ABCC9: variants seen among roughly 807,000 people sequenced by gnomAD.
ABCC9 encodes the protein ATP binding cassette subfamily C member 9.
Under a neutral mutation model 188.3 loss-of-function variants are expected in ABCC9, and 95 were observed. The ratio of observed to expected loss-of-function variants is 0.50; its 90% CI spans 0.43 to 0.60. ABCC9 has a LOEUF of 0.60. Among genes scored for constraint, ABCC9 ranks in the 20% least tolerant of loss-of-function variants. The probability of loss-of-function intolerance (pLI) is 0.00; values close to 1 mark genes in which losing one functional copy is unlikely to be tolerated. For synonymous variants in ABCC9, 659 were observed against 652.7 expected, an observed-to-expected ratio of 1.01 and a Z score of -0.15; for missense variants, 1,102 against 1,876.3, an observed-to-expected ratio of 0.59 and a Z score of 7.62.
chr12:21,904,102 C>T (rs1468921903), intron 12 of ABCC9, among the ~76,000 whole-genome samples: 2 of 152,104 alleles, frequency 1.3e-5, no homozygotes, highest in African/African-American at 2.4e-5. Context: ...TGGAACAGAA[C>T]AGAGCCCTCA....
intron 5 of ABCC9, chr12:21,923,978 C>G (rs1844154185): frequency 1.8e-6 from 1 of 541,062 alleles, no homozygotes; most frequent in Middle Eastern, 4.5e-4. Flanking sequence ...ATCAAAAAAT[C>G]ATGCTTAGAA....
At chr12:21,884,640 C>T (rs910747039) in intron 15 of ABCC9, among the ~76,000 whole-genome samples, 13 of 152,078 alleles carry the variant, frequency 8.5e-5, no homozygotes, top group African/African-American at 2.9e-4. Flanking sequence ...ACTGGTGTAT[C>T]AAGAGAACAC....
At chr12:21,897,198 G>C (rs766476239) in intron 12 of ABCC9, among the ~76,000 whole-genome samples, 4 of 152,124 alleles carry the variant, frequency 2.6e-5, no homozygotes, top group Admixed American at 2.0e-4. Flanking sequence ...TTTCATGTTT[G>C]TTGGCCACAT....
Position 21,915,338 on chromosome 12 carries a change from G to T in ABCC9, c.816+330C>A, listed in dbSNP as rs12822030. On this transcript the variant is annotated intron_variant, in intron 7 of 39. Transcript: ENST00000261200. ...ATGTGTATATATGTGTGTATATATA[G>T]ACATGTGTATGTATATATAATGTGT... Among the ~76,000 whole-genome samples the T allele has an allele frequency of 1, 134,852 of 135,008 alleles. 67,348 individuals carry two copies. Among genetic ancestry groups the T allele is most frequent in the Middle Eastern group, 1 (262 of 262 alleles). The allele number at this position is 135,008 out of a possible 152,430, so 88.6% of individuals were successfully genotyped here.
intron 10 of ABCC9, 90 bp from the exon 11 acceptor site, chr12:21,908,301 T>C (rs1948137143): frequency 6.2e-6 from 9 of 1,445,644 alleles, no homozygotes; most frequent in African/African-American, 2.9e-5. Context: ...AAATGTAGTA[T>C]TTCTTAATTA....
intron 16 of ABCC9, among the ~76,000 whole-genome samples, chr12:21,877,094 CTGTT>C (rs1441609338): frequency 6.6e-6 from 1 of 152,170 alleles, no homozygotes; most frequent in Non-Finnish European, 1.5e-5. Context: ...CATCCTCACT[CTGTT>C]TGAGGGACTG....
At chr12:21,910,805 G>C (rs576037732) in intron 9 of ABCC9, 21 bp downstream of exon 9, 17 of 1,595,910 alleles carry the variant, frequency 1.1e-5, no homozygotes, top group Non-Finnish European at 1.5e-5. Context: ...GAAACAAATA[G>C]TATTCACAGC....
chr12:21,935,146 A>T (rs1212694089), intron 3 of ABCC9, among the ~76,000 whole-genome samples: 1 of 152,138 alleles, frequency 6.6e-6, no homozygotes, highest in Non-Finnish European at 1.5e-5. Flanking sequence ...GATGCTAGGG[A>T]TACAAAATGG....
At chr12:21,854,210 G>A (rs1294986332) in intron 22 of ABCC9, among the ~76,000 whole-genome samples, 1 of 152,126 alleles carries the variant, frequency 6.6e-6, no homozygotes, top group Non-Finnish European at 1.5e-5. Context: ...ACTGAAGTTT[G>A]GAAGTTAGAA....
At chr12:21,839,951 A>G (rs533513933) in intron 29 of ABCC9, among the ~76,000 whole-genome samples, 1 of 152,322 alleles carries the variant, frequency 6.6e-6, no homozygotes, top group Admixed American at 6.5e-5. Flanking sequence ...ATTTTTAAAC[A>G]TAAAACCAAA....
chr12:21,823,573 A>T (rs186711771), intron 31 of ABCC9, among the ~76,000 whole-genome samples: 96 of 152,242 alleles, frequency 6.3e-4, no homozygotes, highest in African/African-American at 2.0e-3. Flanking sequence ...TAGCCTGTTG[A>T]CTCTAAAGTA....
intron 30 of ABCC9, among the ~76,000 whole-genome samples, chr12:21,829,265 G>T (rs748849557): frequency 7.6e-6 from 1 of 131,502 alleles, no homozygotes; most frequent in South Asian, 2.6e-4. Flanking sequence ...GCAGTGGCGC[G>T]ATCTCGGCTC....
chr12:21,811,632 A>T (rs912069769), intron 36 of ABCC9, among the ~76,000 whole-genome samples: 3 of 151,968 alleles, frequency 2.0e-5, no homozygotes, highest in Non-Finnish European at 4.4e-5. Context: ...AGACTGTAGC[A>T]GCTTTATTCA....
At chr12:21,926,627 G>C (rs1949055806) in intron 4 of ABCC9, among the ~76,000 whole-genome samples, 1 of 152,206 alleles carries the variant, frequency 6.6e-6, no homozygotes, top group Non-Finnish European at 1.5e-5. Context: ...TGAAGGGACA[G>C]TGTGAGAACA....
At chr12:21,846,225 T>G (rs572091025) in intron 25 of ABCC9, among the ~76,000 whole-genome samples, 4 of 152,118 alleles carry the variant, frequency 2.6e-5, no homozygotes, top group African/African-American at 9.7e-5. Context: ...GGGAGTAAGC[T>G]CTGAAATCTG....
At chr12:21,927,888 T>C (rs1949104025) in intron 4 of ABCC9, among the ~76,000 whole-genome samples, 1 of 151,980 alleles carries the variant, frequency 6.6e-6, no homozygotes, top group Non-Finnish European at 1.5e-5. Flanking sequence ...AGTACAGAAA[T>C]TAGGAAATGC....
intron 31 of ABCC9, among the ~76,000 whole-genome samples, chr12:21,819,027 ATT>A (rs1357738804): frequency 2.0e-5 from 3 of 152,208 alleles, no homozygotes; most frequent in Non-Finnish European, 4.4e-5. Flanking sequence ...GTATGATTCA[ATT>A]ATAAACTCTT....
intron 30 of ABCC9, among the ~76,000 whole-genome samples, chr12:21,831,703 T>C (rs79781667): frequency 4.6e-5 from 7 of 152,248 alleles, no homozygotes; most frequent in Non-Finnish European, 8.8e-5. Flanking sequence ...GCAGAATGTT[T>C]TTGGTGAACA....
intron 4 of ABCC9, among the ~76,000 whole-genome samples, chr12:21,930,663 G>A (rs1949247424): frequency 6.6e-6 from 1 of 152,144 alleles, no homozygotes; most frequent in South Asian, 2.1e-4. Flanking sequence ...GCACAGAAAT[G>A]TTTATAGCAT....
Sources: allele counts gnomAD v4.1 joint callset (sites outside exome capture counted in the v4.1 genomes callset), GRCh38; gene constraint gnomAD v4.1.1; transcripts MANE v1.5; gene names NCBI Gene and HGNC (gene_info 2026-07-23, HGNC 2026-07-21).